The following TTN variants were observed in gnomAD, a reference collection of about 807,000 sequenced individuals.
TTN encodes the protein connectin.
TTN carries 1,525 observed loss-of-function variants against 3,223.0 expected under a neutral mutation model. That is an observed-to-expected ratio of 0.47 (90% CI 0.45 to 0.49). The LOEUF (loss-of-function observed/expected upper bound fraction) is 0.49. Among genes scored for constraint, TTN ranks in the 20% least tolerant of loss-of-function variants. The probability of loss-of-function intolerance (pLI) is 0.00; values close to 1 mark genes in which losing one functional copy is unlikely to be tolerated. For missense variants in TTN, 40,786 were observed against 43,424.0 expected (o/e 0.94, Z 5.40); for synonymous variants, 14,094 against 15,161.0 (o/e 0.93, Z 5.17).
chr2:178,794,139 C>T (rs1264646781), intron 8 of TTN, among the ~76,000 whole-genome samples: 1 of 149,966 alleles, frequency 6.7e-6, no homozygotes, highest in East Asian at 2.2e-4. Flanking sequence ...CCTTGAATAC[C>T]ATAGTTGACT....
chr2:178,683,472 G>C (rs1206468804), intron 133 of TTN, among the ~76,000 whole-genome samples, 181 bp from the exon 134 acceptor site: 1 of 151,986 alleles, frequency 6.6e-6, no homozygotes, highest in Non-Finnish European at 1.5e-5. Context: ...TACATATGAA[G>C]TACGTCAAAG....
chr2:178,589,130 A>G lies in TTN; in HGVS notation c.62595T>C (p.Pro20865=), dbSNP rs2049693082. 1 of 1,612,894 alleles carries G rather than the reference A, an allele frequency of 6.2e-7. No individual in the cohort carries two copies. The highest frequency in any genetic ancestry group is 8.5e-7 in the Non-Finnish European group (1 of 1,179,636). Residue 20865 remains proline (P), a synonymous_variant, in exon 304 of 363, where the codon CCT becomes CCC. Coordinates refer to ENST00000589042, the MANE Select transcript of TTN (RefSeq NM_001267550.2). ...CAATTTTCAGATTTCTCACAGGACC[A>G]GGCTTATCTAAAACATTGACAGTGG... ...AYATVNVLDK[P]GPVRNLKIVD... is the part of the protein sequence containing the mutation.
In TTN at chr2:178,548,255, T is replaced by A. The variant is rs775147653; in HGVS notation, c.93371A>T (p.Asp31124Val). The change falls in exon 339 of 363, where the codon GAT (aspartate) becomes GTT (valine). Residue 31124 changes from aspartate to valine, a missense_variant. Coordinates refer to ENST00000589042, the MANE Select transcript of TTN (RefSeq NM_001267550.2). This position sits in a 1 kb window ranked among gnomAD's most constrained non-coding sequence, Gnocchi z 4.3. ...TAAGACTGCGGAGGATTTGCTAGTA[T>A]CAACAACATCAAGTCTCCTAGGTGG... Reference protein sequence around the residue: ...PAPPRRLDVVDTSKSSAVLAW... With the variant: ...PAPPRRLDVVVTSKSSAVLAW... 1.9e-5 allele frequency: 31 copies of A among 1,613,724 alleles called. No individual in the cohort carries two copies. In the Admixed American group the frequency reaches 5.2e-4, roughly 27 times the overall value.
In TTN at chr2:178,632,209, T is replaced by A; in HGVS notation, c.43685A>T (p.Asp14562Val). 6.2e-7 allele frequency: 1 copy of A among 1,608,386 alleles called. No individual in the cohort carries two copies. The highest frequency in any genetic ancestry group is 1.1e-5 in the South Asian group (1 of 90,058). The stretch of plus-strand genomic sequence containing the variant: ...AGCTTCTACTCTAATTTGGGAGGTG[T>A]CATCAATAGACAGGTCTTTGAATGT... ...SITFKDLSID[D>V]TSQIRVEAMG... is the part of the protein sequence containing the mutation. The change falls in exon 236 of 363, where the codon GAC (aspartate) becomes GTC (valine). Residue 14562 changes from aspartate (D) to valine (V), a missense_variant. Transcript: ENST00000589042.
rs747615650 is a variant in TTN, at chr2:178,537,826, C to G, written c.99381G>C (p.Arg33127Ser). The change falls in exon 355 of 363, where the codon AGG becomes AGC. Residue 33127 changes from arginine (R) to serine (S), a missense_variant. Physicochemically the swap from Arg to Ser is moderately radical, Grantham distance 110. Coordinates refer to ENST00000589042, the MANE Select transcript of TTN (RefSeq NM_001267550.2). ...AAQLSCQIVG[R>S]PLPDIKWYRF... is the part of the protein sequence containing the mutation. ...TGTACCATTTAATGTCAGGAAGAGG[C>G]CTTCCAACAATCTGGCATGAGAGTT... 10 of 1,613,530 alleles carry G rather than the reference C, an allele frequency of 6.2e-6. No individual in the cohort carries two copies. Among genetic ancestry groups the G allele is most frequent in the African/African-American group, 2.7e-5 (2 of 74,894 alleles).
intron 100 of TTN, 86 bp from the exon 101 acceptor site, chr2:178,707,040 T>A: frequency 8.2e-7 from 1 of 1,222,048 alleles, no homozygotes; most frequent in Non-Finnish European, 1.1e-6. Context: ...CCTTAGGAGG[T>A]TGGCAGTTTG....
Position 178,774,053 on chromosome 2 carries a change from A to G in TTN, c.7115T>C (p.Ile2372Thr). 1.2e-6 allele frequency: 2 copies of G among 1,614,072 alleles called. No homozygotes were observed. The highest frequency in any genetic ancestry group is 1.7e-6 in the Non-Finnish European group (2 of 1,179,976). The change falls in exon 31 of 363, where the codon ATT (isoleucine) becomes ACT (threonine). Residue 2372 changes from isoleucine (I) to threonine (T), a missense_variant. Ile to Thr is a moderately conservative substitution (Grantham distance 89). Coordinates refer to ENST00000589042, the MANE Select transcript of TTN (RefSeq NM_001267550.2). ...LSDQKVCEGDIVQLEVKVSLE... is the reference protein window; with the variant it reads ...LSDQKVCEGDTVQLEVKVSLE... Reference sequence around the variant, plus strand: ...GGAGACTTTAACTTCAAGCTGAACAATGTCACCCTCACAGACTTTTTGGTC... The same window carrying G: ...GGAGACTTTAACTTCAAGCTGAACAGTGTCACCCTCACAGACTTTTTGGTC...
intron 47 of TTN, chr2:178,745,524 G>A: frequency 1.3e-6 from 2 of 1,598,804 alleles, no homozygotes; most frequent in South Asian, 2.2e-5. Flanking sequence ...CACATAATTT[G>A]GAAAATATGA....
chr2:178,584,900 A>G lies in TTN; in HGVS notation c.64741T>C (p.Trp21581Arg), dbSNP rs1455212617. The G allele has an allele frequency of 4.3e-6, 7 of 1,613,350 alleles. No homozygotes were observed. In the South Asian group the frequency reaches 5.5e-5, roughly 13 times the overall value. The change falls in exon 310 of 363, where the codon TGG becomes CGG. Residue 21581 changes from tryptophan (W) to arginine (R), a missense_variant. By Grantham distance (101) the Trp-to-Arg change is moderately radical. Coordinates refer to ENST00000589042, the MANE Select transcript of TTN (RefSeq NM_001267550.2). ...DIDADACSLS[W>R]HIPLEDGGSN... Reference sequence around the variant, plus strand: ...CCTCCGTCCTCCAGAGGGATGTGCCATGACAGGGAGCAAGCATCAGCGTCT... The same window carrying G: ...CCTCCGTCCTCCAGAGGGATGTGCCGTGACAGGGAGCAAGCATCAGCGTCT...
rs754710293 is a variant in TTN at position 178,547,643 on chromosome 2, A to C, written c.93983T>G (p.Leu31328Arg). ...TCCATCTTTAGGTTCTCCCCATGAC[A>C]GGACACACGATTCAGCTGAGACAGA... ...VSSVSAESCV[L>R]SWGEPKDGGG... The change falls in exon 339 of 363, where the codon CTG becomes CGG. Residue 31328 changes from leucine (L) to arginine (R), a missense_variant. Physicochemically the swap from Leu to Arg is moderately radical, Grantham distance 102 (BLOSUM62 -2). Coordinates refer to ENST00000589042, the MANE Select transcript of TTN (RefSeq NM_001267550.2). 6.2e-7 allele frequency: 1 copy of C among 1,613,906 alleles called. No homozygotes were observed. The highest frequency in any genetic ancestry group is 8.5e-7 in the Non-Finnish European group (1 of 1,179,810).
Position 178,600,834 on chromosome 2 carries a change from G to T in TTN, c.56050+20C>A. ...GGCAGCTGTAAGGAGGACATTCTTT[G>T]TCAGTACATTGGTACTTACATGTCT... On this transcript the variant is annotated intron_variant, in intron 288 of 362. Transcript: ENST00000589042. 6.2e-7 allele frequency: 1 copy of T among 1,612,540 alleles called. No homozygotes were observed. The highest frequency in any genetic ancestry group is 1.1e-5 in the South Asian group (1 of 91,034).
chr2:178,734,347 C>A lies in TTN; in HGVS notation c.15477G>T (p.Met5159Ile). ...VANEVGKCGC[M>I]ATHLLKEPPT... ...ACTAACCTTTGAGTAAGTGGGTTGCCATGCAGCCACACTTGCCGACTTCAT... is the reference window on the plus strand; with the variant it reads ...ACTAACCTTTGAGTAAGTGGGTTGCAATGCAGCCACACTTGCCGACTTCAT... Residue 5159 changes from methionine to isoleucine, a missense_variant, in exon 52 of 363, where the codon ATG (methionine) becomes ATT (isoleucine). By Grantham distance (10) the Met-to-Ile change is conservative. Coordinates refer to ENST00000589042, the MANE Select transcript of TTN (RefSeq NM_001267550.2). The A allele has an allele frequency of 1.3e-6, 2 of 1,597,994 alleles. No individual in the cohort carries two copies. The highest frequency in any genetic ancestry group is 1.7e-6 in the Non-Finnish European group (2 of 1,170,532).
At position 178,618,232 on chromosome 2, in the gene TTN, C is replaced by T; in HGVS notation, c.47226G>A (p.Glu15742=). The part of the protein sequence containing the change: ...VSARNRVGTG[E]PVETDNPVEA... Reference sequence around the variant, plus strand: ...CTACAGGATTGTCAGTTTCTACTGGCTCACCAGTGCCAACTCTGTTTCTTG... The same window carrying T: ...CTACAGGATTGTCAGTTTCTACTGGTTCACCAGTGCCAACTCTGTTTCTTG... Residue 15742 remains glutamate (E), a synonymous_variant, in exon 252 of 363, where the codon GAG becomes GAA. Transcript: ENST00000589042. 1 of 1,612,816 alleles carries T rather than the reference C, an allele frequency of 6.2e-7. No individual in the cohort carries two copies. Among genetic ancestry groups the T allele is most frequent in the South Asian group, 1.1e-5 (1 of 91,040 alleles).
Position 178,575,721 on chromosome 2 carries a change from T to C in TTN, c.70411A>G (p.Ile23471Val). 1 of 1,613,554 alleles carries C rather than the reference T, an allele frequency of 6.2e-7. No homozygotes were observed. Among genetic ancestry groups the C allele is most frequent in the Non-Finnish European group, 8.5e-7 (1 of 1,179,640 alleles). Residue 23471 changes from isoleucine (I) to valine (V), a missense_variant, in exon 326 of 363, where the codon ATT becomes GTT. Ile to Val is a conservative substitution (Grantham distance 29). Coordinates refer to ENST00000589042, the MANE Select transcript of TTN (RefSeq NM_001267550.2). This position sits in a 1 kb window ranked among gnomAD's most constrained non-coding sequence, Gnocchi z 4.0. The part of the protein sequence containing the change: ...IDGGSRITNY[I>V]VEKREATRKS... Reference sequence around the variant, plus strand: ...CGTGTTGCTTCACGTTTCTCTACAATGTAGTTTGTTATACGTGAGCCTCCA... The same window carrying C: ...CGTGTTGCTTCACGTTTCTCTACAACGTAGTTTGTTATACGTGAGCCTCCA...
Position 178,710,747 on chromosome 2 carries a change from G to C in TTN, c.28350C>G (p.Asn9450Lys). ...GGKYQISYLE[N>K]SAHLTVLKVD... ...CTTTGAGGACTGTCAGGTGGGCGCTGTTTTCCAGATAACTAATCTGGTACT... is the reference window on the plus strand; with the variant it reads ...CTTTGAGGACTGTCAGGTGGGCGCTCTTTTCCAGATAACTAATCTGGTACT... The change falls in exon 98 of 363, where the codon AAC becomes AAG. Residue 9450 changes from asparagine (N) to lysine (K), a missense_variant. By Grantham distance (94) the Asn-to-Lys change is moderately conservative. Transcript: ENST00000589042. The C allele has an allele frequency of 6.2e-7, 1 of 1,613,866 alleles. No homozygotes were observed. The highest frequency in any genetic ancestry group is 8.5e-7 in the Non-Finnish European group (1 of 1,179,838).
At chr2:178,752,007 C>T (rs1459380520) in intron 47 of TTN, 2 of 1,591,182 alleles carry the variant, frequency 1.3e-6, no homozygotes, top group East Asian at 4.5e-5. Context: ...GTATCCCTTT[C>T]TGAATGTTCA....
At chr2:178,760,129 G>A (rs968237632) in intron 43 of TTN, among the ~76,000 whole-genome samples, 3 of 152,106 alleles carry the variant, frequency 2.0e-5, no homozygotes, top group African/African-American at 7.2e-5. Context: ...GCCAATACTT[G>A]TCTATAAAAG....
In TTN at chr2:178,632,350, A is replaced by G; in HGVS notation, c.43544T>C (p.Val14515Ala). 1 of 1,606,114 alleles carries G rather than the reference A, an allele frequency of 6.2e-7. No individual in the cohort carries two copies. The highest frequency in any genetic ancestry group is 1.1e-5 in the South Asian group (1 of 89,640). Residue 14515 changes from valine (V) to alanine (A), a missense_variant, in exon 236 of 363, where the codon GTA (valine) becomes GCA (alanine). Val to Ala is a moderately conservative substitution (Grantham distance 64). Transcript: ENST00000589042. ...DVTAKEKESAVFTVELSHDNI... is the reference protein window; with the variant it reads ...DVTAKEKESAAFTVELSHDNI... Reference sequence around the variant, plus strand: ...ATCATGAGATAACTCCACAGTAAATACAGCACTTTCCTTCTCTTTGGCAGT... The same window carrying G: ...ATCATGAGATAACTCCACAGTAAATGCAGCACTTTCCTTCTCTTTGGCAGT...
intron 130 of TTN, 26 bp from the exon 131 acceptor site, chr2:178,684,775 C>G: frequency 6.2e-7 from 1 of 1,602,478 alleles, no homozygotes; most frequent in Non-Finnish European, 8.5e-7. Context: ...GCAATACCAT[C>G]AAACATACGA....
Sources: allele counts gnomAD v4.1 joint callset (sites outside exome capture counted in the v4.1 genomes callset), GRCh38; gene constraint gnomAD v4.1.1; non-coding constraint Gnocchi (gnomAD v3.1); transcripts MANE v1.5; gene names NCBI Gene and HGNC (gene_info 2026-07-23, HGNC 2026-07-21).